TBC1D5: variants seen among roughly 807,000 people sequenced by gnomAD.
The protein encoded by TBC1D5 is TBC1 domain family member 5, also known as TBC1 domain family, member 5.
Under a neutral mutation model 100.3 loss-of-function variants are expected in TBC1D5, and 75 were observed. The ratio of observed to expected loss-of-function variants is 0.75; its 90% CI spans 0.62 to 0.91. The LOEUF is 0.91. Among genes scored for constraint, TBC1D5 ranks in the 40% least tolerant of loss-of-function variants. TBC1D5 has a pLI of 0.00. For synonymous variants in TBC1D5, 323 were observed against 325.6 expected (o/e 0.99, Z 0.09); for missense variants, 910 against 942.4 (o/e 0.97, Z 0.45).
At chr3:17,268,022 C>T (rs1370671056) in intron 15 of TBC1D5, among the ~76,000 whole-genome samples, 1 of 151,778 alleles carries the variant, frequency 6.6e-6, no homozygotes, top group Non-Finnish European at 1.5e-5. Flanking sequence ...ACAAATAACA[C>T]CTAGATTTGA....
At chr3:17,482,137 TG>T (rs1444986605) in intron 3 of TBC1D5, among the ~76,000 whole-genome samples, 1 of 152,226 alleles carries the variant, frequency 6.6e-6, no homozygotes, top group Non-Finnish European at 1.5e-5. Context: ...GTGTTTACTA[TG>T]GAAAACAATG....
chr3:17,525,781 T>TTTTTTTTTTTTTTTTTTTTTGAGACGGA (rs1480570774), intron 2 of TBC1D5, among the ~76,000 whole-genome samples: 2 of 151,342 alleles, frequency 1.3e-5, no homozygotes, highest in African/African-American at 4.9e-5. Context: ...TCTGTTTTCT[T>TTTTTTTTTTTTTTTTTTTTTGAGACGGA]GAATAACAAG....
chr3:17,734,610 A>G (rs2076816960), intron 1 of TBC1D5, among the ~76,000 whole-genome samples: 1 of 152,238 alleles, frequency 6.6e-6, no homozygotes, highest in African/African-American at 2.4e-5. Context: ...AGCTACATAA[A>G]ATGTTAAAAC....
intron 2 of TBC1D5, among the ~76,000 whole-genome samples, chr3:17,597,735 CCCAA>C (rs59739711): frequency 6.0e-4 from 91 of 152,218 alleles, no homozygotes; most frequent in African/African-American, 2.1e-3. Context: ...ATATTTTTGT[CCCAA>C]ATACTCACAG....
At chr3:17,424,679 A>C (rs553379832) in intron 4 of TBC1D5, among the ~76,000 whole-genome samples, 4 of 152,182 alleles carry the variant, frequency 2.6e-5, no homozygotes, top group Non-Finnish European at 5.9e-5. Flanking sequence ...AGCATCAAAT[A>C]ATAATTATAC....
At chr3:17,288,649 A>G (rs1437215396) in intron 15 of TBC1D5, among the ~76,000 whole-genome samples, 1 of 152,184 alleles carries the variant, frequency 6.6e-6, no homozygotes, top group Non-Finnish European at 1.5e-5. Flanking sequence ...GGACCTAGCC[A>G]CATGGAGAGA....
intron 3 of TBC1D5, among the ~76,000 whole-genome samples, chr3:17,479,610 C>T (rs962612174): frequency 3.3e-5 from 5 of 151,880 alleles, no homozygotes; most frequent in African/African-American, 7.2e-5. Flanking sequence ...TTTAGTAGTC[C>T]GACATGGATG....
chr3:17,367,554 A>G (rs2092223137), intron 13 of TBC1D5, among the ~76,000 whole-genome samples: 2 of 152,088 alleles, frequency 1.3e-5, no homozygotes, highest in South Asian at 4.1e-4. Flanking sequence ...TGGCAAACAA[A>G]AGACAACTCA....
intron 1 of TBC1D5, among the ~76,000 whole-genome samples, chr3:17,625,283 C>T (rs2062959931): frequency 6.6e-6 from 1 of 151,990 alleles, no homozygotes; most frequent in Admixed American, 6.6e-5. Context: ...CTGAATTACA[C>T]TTTGACTAAA....
At chr3:17,453,413 T>A (rs1024814785) in intron 3 of TBC1D5, among the ~76,000 whole-genome samples, 1 of 151,814 alleles carries the variant, frequency 6.6e-6, no homozygotes, top group African/African-American at 2.4e-5. Flanking sequence ...CCTTTAGCCA[T>A]ACTAACAAAG....
chr3:17,455,149 C>CA lies in TBC1D5; in HGVS notation c.98-26631dup, dbSNP rs531025581. On this transcript the variant is annotated intron_variant, in intron 3 of 21. Transcript: ENST00000253692. ...CAAAATAACCAAAGCTATCCTAAGC[C>CA]AAAAAAAAAAAAGTATACACACACA... is the stretch of plus-strand genomic sequence containing the variant. 6.7e-3 allele frequency among the ~76,000 whole-genome samples: 840 copies of CA among 125,088 alleles called. 6 individuals carry two copies. The highest frequency in any genetic ancestry group is 0.024 in the South Asian group (100 of 4,138). 82.1% of individuals were successfully genotyped at this position (125,088 alleles called of 152,430 possible).
At chr3:17,478,564 C>T (rs1477174581) in intron 3 of TBC1D5, among the ~76,000 whole-genome samples, 1 of 152,134 alleles carries the variant, frequency 6.6e-6, no homozygotes, top group Non-Finnish European at 1.5e-5. Context: ...TTAATGCTAT[C>T]ATGAATAGAA....
intron 18 of TBC1D5, among the ~76,000 whole-genome samples, chr3:17,209,630 T>TA (rs1361164884): frequency 7.2e-5 from 11 of 152,332 alleles, no homozygotes; most frequent in Middle Eastern, 3.4e-3. Context: ...AGGCTTACAT[T>TA]ATAATGTCTA....
chr3:17,637,993 A>G (rs902196339), intron 1 of TBC1D5, among the ~76,000 whole-genome samples: 1 of 152,204 alleles, frequency 6.6e-6, no homozygotes, highest in Non-Finnish European at 1.5e-5. Flanking sequence ...ATTATAGTAC[A>G]TCTACTCAAT....
At chr3:17,389,383 C>G (rs1391332978) in intron 8 of TBC1D5, among the ~76,000 whole-genome samples, 2 of 152,002 alleles carry the variant, frequency 1.3e-5, no homozygotes, top group Non-Finnish European at 2.9e-5. Context: ...GACTCTCTTC[C>G]CTTTGAGTAT....
At chr3:17,222,945 TA>T in intron 17 of TBC1D5, among the ~76,000 whole-genome samples, 1 of 152,210 alleles carries the variant, frequency 6.6e-6, no homozygotes, top group East Asian at 1.9e-4. Flanking sequence ...TGGGGACCAT[TA>T]TAACTTTTTT....
chr3:17,182,931 C>T (rs1040530654), intron 19 of TBC1D5, among the ~76,000 whole-genome samples: 2 of 151,976 alleles, frequency 1.3e-5, no homozygotes, highest in African/African-American at 4.8e-5. Context: ...TTCTCCATTT[C>T]CTACCTAGCT....
intron 14 of TBC1D5, among the ~76,000 whole-genome samples, chr3:17,302,917 G>A (rs2083003193): frequency 6.6e-6 from 1 of 152,168 alleles, no homozygotes. Flanking sequence ...GGAAGCCCTA[G>A]CAAGACATTA....
exon 22 of TBC1D5, chr3:17,157,246 T>TGA (rs2065660893): frequency 6.6e-6 from 1 of 152,200 alleles, no homozygotes; most frequent in Non-Finnish European, 1.5e-5. Context: ...TAAATCAGTA[T>TGA]GAGTTATAGC....
Sources: allele counts gnomAD v4.1 joint callset (sites outside exome capture counted in the v4.1 genomes callset), GRCh38; gene constraint gnomAD v4.1.1; transcripts MANE v1.5; gene names NCBI Gene and HGNC (gene_info 2026-07-23, HGNC 2026-07-21).